Variants in MACROD2 observed in about 807,000 individuals in gnomAD.
MACROD2 encodes the protein ADP-ribose glycohydrolase MACROD2.
In MACROD2, 36 loss-of-function variants were observed where a neutral mutation model predicts 70.4. The observed-to-expected ratio is 0.51, with a 90% CI of 0.39 to 0.68. The LOEUF is 0.68. MACROD2 is among the 30% of genes least tolerant of loss of function. The pLI, the probability that MACROD2 is intolerant of heterozygous loss-of-function variation, is 0.00. For missense variants in MACROD2, 496 were observed against 538.4 expected (o/e 0.92, Z 0.78); for synonymous variants, 172 against 178.8 (o/e 0.96, Z 0.30).
intron 5 of MACROD2, among the ~76,000 whole-genome samples, chr20:14,726,887 T>G (rs2071536559): frequency 6.6e-6 from 1 of 152,140 alleles, no homozygotes; most frequent in Non-Finnish European, 1.5e-5. Context: ...CATGATGTGT[T>G]TACTACTTTT....
chr20:15,287,205 T>C (rs1291422177), intron 6 of MACROD2, among the ~76,000 whole-genome samples: 1 of 152,226 alleles, frequency 6.6e-6, no homozygotes, highest in Non-Finnish European at 1.5e-5. Context: ...AATAAAACTT[T>C]AATATGCTAA....
chr20:14,675,628 A>G (rs1371131208), intron 4 of MACROD2, among the ~76,000 whole-genome samples: 1 of 152,210 alleles, frequency 6.6e-6, no homozygotes, highest in Non-Finnish European at 1.5e-5. Flanking sequence ...CATCAACACT[A>G]TGAAGAAACT....
intron 3 of MACROD2, among the ~76,000 whole-genome samples, chr20:14,228,187 AGAGAGAGT>A (rs2081762033): frequency 1.3e-5 from 2 of 150,442 alleles, no homozygotes; most frequent in Non-Finnish European, 2.9e-5. Context: ...AGAGAGAGAG[AGAGAGAGT>A]GTGTGTGTGC....
At chr20:14,679,112 G>T (rs2073039922) in intron 4 of MACROD2, among the ~76,000 whole-genome samples, 1 of 152,134 alleles carries the variant, frequency 6.6e-6, no homozygotes, top group African/African-American at 2.4e-5. Context: ...GTGGGAAACA[G>T]ACTTTTAGCA....
chr20:14,500,379 C>T (rs2123121250), intron 4 of MACROD2, among the ~76,000 whole-genome samples: 1 of 152,348 alleles, frequency 6.6e-6, no homozygotes, highest in Admixed American at 6.5e-5. Context: ...TTGTGATTAC[C>T]TCACCTGCTT....
intron 8 of MACROD2, among the ~76,000 whole-genome samples, chr20:15,834,290 A>G (rs1470579017): frequency 3.3e-5 from 5 of 152,188 alleles, no homozygotes; most frequent in Non-Finnish European, 4.4e-5. Flanking sequence ...CAGTGAGCTG[A>G]GATTGCACCA....
chr20:15,477,143 C>A (rs564179411), intron 7 of MACROD2, among the ~76,000 whole-genome samples: 2 of 147,722 alleles, frequency 1.4e-5, no homozygotes, highest in Non-Finnish European at 3.0e-5. Flanking sequence ...CTCTGTCACC[C>A]GTGCCGGACT....
chr20:15,673,952 G>A (rs1377002270), intron 8 of MACROD2, among the ~76,000 whole-genome samples: 3 of 152,160 alleles, frequency 2.0e-5, no homozygotes. Flanking sequence ...ATTAATTTGA[G>A]TAGCCATATG....
chr20:14,306,451 C>G (rs2082521791), intron 3 of MACROD2, among the ~76,000 whole-genome samples: 1 of 152,014 alleles, frequency 6.6e-6, no homozygotes, highest in African/African-American at 2.4e-5. Context: ...TGCTGAATAA[C>G]ATGATTATAC....
intron 5 of MACROD2, among the ~76,000 whole-genome samples, chr20:14,885,433 C>G (rs2073662254): frequency 2.0e-5 from 3 of 152,188 alleles, no homozygotes; most frequent in African/African-American, 4.8e-5. Flanking sequence ...CACCTCTACT[C>G]TGGTACACAC....
chr20:15,263,683 T>C (rs1288500155), intron 6 of MACROD2, among the ~76,000 whole-genome samples: 2 of 152,160 alleles, frequency 1.3e-5, no homozygotes, highest in African/African-American at 4.8e-5. Flanking sequence ...CTTGCCCTTT[T>C]TGTGTGTGTC....
intron 8 of MACROD2, among the ~76,000 whole-genome samples, chr20:15,860,179 C>T (rs1214845982): frequency 6.6e-6 from 1 of 152,056 alleles, no homozygotes; most frequent in African/African-American, 2.4e-5. Flanking sequence ...CAGAGAATAA[C>T]ATTGCCATTA....
intron 6 of MACROD2, among the ~76,000 whole-genome samples, chr20:15,234,627 C>A (rs1342815525): frequency 6.6e-6 from 1 of 152,012 alleles, no homozygotes; most frequent in Non-Finnish European, 1.5e-5. Flanking sequence ...ATGTTGATTT[C>A]TAGAACAACA....
chr20:15,841,486 A>G (rs2064169866), intron 8 of MACROD2, among the ~76,000 whole-genome samples: 1 of 152,150 alleles, frequency 6.6e-6, no homozygotes, highest in Non-Finnish European at 1.5e-5. Flanking sequence ...TCAGAAGCCA[A>G]AGGGGAAGTA....
intron 8 of MACROD2, among the ~76,000 whole-genome samples, chr20:15,726,200 C>T (rs570838288): frequency 6.6e-5 from 10 of 152,136 alleles, no homozygotes; most frequent in African/African-American, 2.4e-4. Flanking sequence ...TCTGGTTCTA[C>T]GTTAGTTCTC....
At chr20:14,113,295 T>G (rs946527156) in intron 3 of MACROD2, among the ~76,000 whole-genome samples, 4 of 152,218 alleles carry the variant, frequency 2.6e-5, no homozygotes, top group Admixed American at 1.3e-4. Flanking sequence ...TTCCCCAGCT[T>G]CTTTTGACCT....
intron 6 of MACROD2, among the ~76,000 whole-genome samples, chr20:15,271,547 A>C (rs1304823590): frequency 1.3e-5 from 2 of 152,230 alleles, no homozygotes; most frequent in African/African-American, 4.8e-5. Context: ...TAGGAGCACA[A>C]GAAGCATTTG....
At chr20:13,998,317 A>G (rs2052689307) in intron 1 of MACROD2, among the ~76,000 whole-genome samples, 1 of 151,938 alleles carries the variant, frequency 6.6e-6, no homozygotes, top group South Asian at 2.1e-4. Context: ...ATTTTCAAGT[A>G]TTGCAACTTA....
At chr20:14,879,280 C>T (rs1489973484) in intron 5 of MACROD2, among the ~76,000 whole-genome samples, 1 of 152,094 alleles carries the variant, frequency 6.6e-6, no homozygotes, top group Non-Finnish European at 1.5e-5. Flanking sequence ...TGATTATTAA[C>T]TAAATTTAAT....
Sources: gnomAD v4.1 joint callset for allele counts (sites outside exome capture counted in the v4.1 genomes callset) on GRCh38, gnomAD v4.1.1 for gene constraint, MANE v1.5 for transcripts, NCBI Gene and HGNC (gene_info 2026-07-23, HGNC 2026-07-21) for gene names.